ALDH18A1: variants seen among roughly 807,000 people sequenced by gnomAD.
ALDH18A1 encodes the protein delta-1-pyrroline-5-carboxylate synthase.
A neutral mutation model predicts 88.8 loss-of-function variants in ALDH18A1; 44 were observed. The ratio of observed to expected loss-of-function variants is 0.50; its 90% CI spans 0.39 to 0.64. The LOEUF is 0.64. Ranked by LOEUF, ALDH18A1 falls within the 30% of genes least tolerant of loss-of-function variation. ALDH18A1 has a pLI of 0.00. For synonymous variants in ALDH18A1, 331 were observed against 372.1 expected (o/e 0.89, Z 1.27); for missense variants, 782 against 1,009.5 (o/e 0.77, Z 3.05).
intron 7 of ALDH18A1, among the ~76,000 whole-genome samples, chr10:95,630,467 C>T (rs887025760): frequency 7.9e-5 from 12 of 152,222 alleles, no homozygotes; most frequent in Non-Finnish European, 1.6e-4. Context: ...AATCCCAGTG[C>T]TTTGGGAGGC....
chr10:95,607,824 A>T (rs1201774661), intron 17 of ALDH18A1, among the ~76,000 whole-genome samples: 1 of 152,100 alleles, frequency 6.6e-6, no homozygotes, highest in Non-Finnish European at 1.5e-5. Flanking sequence ...AGTGAGAAGG[A>T]GCTGGCTGGA....
chr10:95,626,898 T>C (rs1186457940), intron 9 of ALDH18A1, 122 bp from the exon 10 acceptor site: 1 of 948,620 alleles, frequency 1.1e-6, no homozygotes, highest in Non-Finnish European at 1.7e-6. Flanking sequence ...GAACACATGA[T>C]GTCTTGGTAT....
At chr10:95,655,681 A>AGAGTGTGTGTGTGT (rs1366372388) in intron 1 of ALDH18A1, among the ~76,000 whole-genome samples, 1 of 150,168 alleles carries the variant, frequency 6.7e-6, no homozygotes, top group African/African-American at 2.5e-5. Context: ...GAGCAAAGAG[A>AGAGTGTGTGTGTGT]GTGTGTGTGT....
chr10:95,617,467 C>G (rs1199991856), intron 12 of ALDH18A1, among the ~76,000 whole-genome samples: 1 of 152,220 alleles, frequency 6.6e-6, no homozygotes, highest in African/African-American at 2.4e-5. Flanking sequence ...AAGACCAGAG[C>G]TCCTGCCAGC....
chr10:95,608,121 T>C lies in ALDH18A1; in HGVS notation c.2207-1178A>G, dbSNP rs184658213. ...GGAATGTAGTAAATGCTCAGTAAAA[T>C]CTGTTACTGTCATTAATGCATTTCA... On this transcript the variant is annotated intron_variant, in intron 17 of 17. Transcript: ENST00000371224. 7.4e-4 allele frequency among the ~76,000 whole-genome samples: 113 copies of C among 152,330 alleles called. 1 individual carries two copies. Among genetic ancestry groups the C allele is most frequent in the African/African-American group, 2.6e-3 (108 of 41,572 alleles).
intron 2 of ALDH18A1, among the ~76,000 whole-genome samples, chr10:95,647,911 G>A (rs2097903842): frequency 6.6e-6 from 1 of 152,230 alleles, no homozygotes; most frequent in Non-Finnish European, 1.5e-5. Context: ...TGCCCCGGAA[G>A]GGCATGGAAG....
intron 2 of ALDH18A1, 38 bp downstream of exon 2, chr10:95,653,252 A>C (rs1191282131): frequency 6.6e-7 from 1 of 1,519,974 alleles, no homozygotes; most frequent in South Asian, 1.1e-5. Context: ...TTGACTATCA[A>C]ACGTCCCACA....
chr10:95,647,617 T>A (rs1731903900), intron 2 of ALDH18A1, among the ~76,000 whole-genome samples: 1 of 152,238 alleles, frequency 6.6e-6, no homozygotes, highest in African/African-American at 2.4e-5. Flanking sequence ...CTAATTTGAT[T>A]GTGGGTTGTA....
chr10:95,621,679 T>C (rs182753782), intron 11 of ALDH18A1, among the ~76,000 whole-genome samples: 22 of 152,092 alleles, frequency 1.4e-4, no homozygotes, highest in Non-Finnish European at 2.9e-4. Context: ...GGGAAGACAA[T>C]GACATGCCAC....
intron 2 of ALDH18A1, among the ~76,000 whole-genome samples, chr10:95,647,827 A>G (rs1441534914): frequency 6.6e-6 from 1 of 152,252 alleles, no homozygotes; most frequent in Non-Finnish European, 1.5e-5. Flanking sequence ...ATAAGTCTCC[A>G]TAAGAGGTCC....
At chr10:95,650,479 G>A (rs1488504656) in intron 2 of ALDH18A1, among the ~76,000 whole-genome samples, 1 of 152,184 alleles carries the variant, frequency 6.6e-6, no homozygotes, top group African/African-American at 2.4e-5. Flanking sequence ...GAACAGCCTG[G>A]TGCCAGTCTC....
At position 95,616,501 on chromosome 10, in the gene ALDH18A1, A is replaced by C. The variant is rs2097844452; in HGVS notation, c.1581T>G (p.His527Gln). ...HLLTQEALSI[H>Q]GVKEAVQLVN... ...CCAGTTGCACGGCCTCCTTGACTCC[A>C]TGGATTGAGAGAGCCTCCTGGGTCA... Residue 527 changes from histidine to glutamine, a missense_variant, in exon 13 of 18, where the codon CAT becomes CAG. His to Gln is a conservative substitution (Grantham distance 24, BLOSUM62 0). Transcript: ENST00000371224. The C allele has an allele frequency of 2.5e-6, 4 of 1,572,126 alleles. No homozygotes were observed. The highest frequency in any genetic ancestry group is 3.5e-6 in the Non-Finnish European group (4 of 1,157,554).
chr10:95,655,876 A>C (rs1463226880), intron 1 of ALDH18A1, among the ~76,000 whole-genome samples: 1 of 152,202 alleles, frequency 6.6e-6, no homozygotes, highest in Non-Finnish European at 1.5e-5. Context: ...TGAACAGAGA[A>C]GTGAACCTCA....
chr10:95,647,412 G>A (rs1589567488), intron 2 of ALDH18A1, among the ~76,000 whole-genome samples: 1 of 152,150 alleles, frequency 6.6e-6, no homozygotes, highest in East Asian at 1.9e-4. Context: ...ACAGAGATTG[G>A]CACAAAATAC....
Position 95,627,493 on chromosome 10 carries a change from T to G in ALDH18A1, c.1027A>C (p.Ile343Leu), listed in dbSNP as rs371294018. 6.2e-7 allele frequency: 1 copy of G among 1,614,154 alleles called. No individual in the cohort carries two copies. The highest frequency in any genetic ancestry group is 1.1e-5 in the South Asian group (1 of 91,084). ...PKVSGHVITD[I>L]VEGKKVGTFF... ...GTACCAACTTTCTTCCCCTCCACAA[T>G]GTCTGTGATGACGTGCCCAGACACC... The change falls in exon 9 of 18, where the codon ATT becomes CTT. Residue 343 changes from isoleucine to leucine, a missense_variant. Around this residue, in one of 3 missense-constraint regions of ALDH18A1, gnomAD observed 556 missense variants for 654.5 expected, o/e 0.85. Coordinates refer to ENST00000371224, the MANE Select transcript of ALDH18A1 (RefSeq NM_002860.4).
chr10:95,633,697 A>C (rs773930058), intron 5 of ALDH18A1, 48 bp from the exon 6 acceptor site: 2 of 1,601,736 alleles, frequency 1.2e-6, no homozygotes, highest in Non-Finnish European at 1.7e-6. Flanking sequence ...AAAAACGCTA[A>C]ACTTCCCAGT....
At chr10:95,655,452 A>C (rs1318322764) in intron 1 of ALDH18A1, among the ~76,000 whole-genome samples, 1 of 152,196 alleles carries the variant, frequency 6.6e-6, no homozygotes, top group Non-Finnish European at 1.5e-5. Flanking sequence ...AATTCAACGA[A>C]TATTCACTAT....
At position 95,630,114 on chromosome 10, in the gene ALDH18A1, T is replaced by TC. The variant is rs1417139290; in HGVS notation, c.809-1623dup. 1.2e-4 allele frequency among the ~76,000 whole-genome samples: 10 copies of TC among 81,446 alleles called. No homozygotes were observed. In the East Asian group the frequency reaches 3.2e-3, roughly 26 times the overall value. The allele number at this position is 81,446 out of a possible 152,430, so 53.4% of individuals were successfully genotyped here. A position where few individuals can be genotyped will look rare whatever the true frequency, so the allele number is the denominator to read the frequency against. On this transcript the variant is annotated intron_variant, in intron 7 of 17. Coordinates refer to ENST00000371224, the MANE Select transcript of ALDH18A1 (RefSeq NM_002860.4). ...ACTAAAAAAAATATTTCTTCTTCTT[T>TC]CCCCCCCCTCTCCCAACAGGGTCTC...
chr10:95,618,013 G>A (rs1397359908), intron 12 of ALDH18A1, among the ~76,000 whole-genome samples: 1 of 152,160 alleles, frequency 6.6e-6, no homozygotes, highest in Non-Finnish European at 1.5e-5. Context: ...ATGTCAGAGA[G>A]TACCCTTCAC....
Sources: gnomAD v4.1 joint callset for allele counts (sites outside exome capture counted in the v4.1 genomes callset) on GRCh38, gnomAD v4.1.1 for gene constraint, gnomAD v4.1.1 regional missense constraint, MANE v1.5 for transcripts, NCBI Gene and HGNC (gene_info 2026-07-23, HGNC 2026-07-21) for gene names.